PCSK5: variants seen among roughly 807,000 people sequenced by gnomAD.
PCSK5 encodes prohormone convertase 5.
PCSK5 carries 129 observed loss-of-function variants against 233.2 expected under a neutral mutation model. The ratio of observed to expected loss-of-function variants is 0.55; its 90% CI spans 0.48 to 0.64. The LOEUF is 0.64. Ranked by LOEUF, PCSK5 falls within the 30% of genes least tolerant of loss-of-function variation. The pLI is 0.00. For synonymous variants in PCSK5, 825 were observed against 879.2 expected (o/e 0.94, Z 1.09); for missense variants, 2,076 against 2,430.1 (o/e 0.85, Z 3.06).
intron 35 of PCSK5, among the ~76,000 whole-genome samples, chr9:76,342,047 A>G (rs1829850859): frequency 6.6e-6 from 1 of 152,096 alleles, no homozygotes; most frequent in Admixed American, 6.5e-5. Flanking sequence ...GAACCTGACT[A>G]CCATTTTGCA....
intron 20 of PCSK5, among the ~76,000 whole-genome samples, chr9:76,227,300 A>C (rs1825925234): frequency 6.6e-6 from 1 of 152,124 alleles, no homozygotes; most frequent in Non-Finnish European, 1.5e-5. Context: ...TGAGGTTCCA[A>C]CTTCTGGAGC....
intron 24 of PCSK5, among the ~76,000 whole-genome samples, chr9:76,244,288 G>A (rs1421530338): frequency 1.3e-5 from 2 of 152,108 alleles, no homozygotes; most frequent in Non-Finnish European, 2.9e-5. Context: ...CTATAAGGAA[G>A]CTTTGATCAG....
At chr9:76,057,747 C>T (rs1829872217) in intron 5 of PCSK5, among the ~76,000 whole-genome samples, 1 of 151,502 alleles carries the variant, frequency 6.6e-6, no homozygotes, top group Non-Finnish European at 1.5e-5. Flanking sequence ...TTAGCTCTTC[C>T]ATATTTTAAT....
At chr9:76,119,505 A>G (rs1056676561) in intron 9 of PCSK5, among the ~76,000 whole-genome samples, 1 of 152,138 alleles carries the variant, frequency 6.6e-6, no homozygotes, top group African/African-American at 2.4e-5. Context: ...ACATGTGGCA[A>G]GGAATTTCCT....
At chr9:75,994,884 T>G (rs1826944658) in intron 3 of PCSK5, among the ~76,000 whole-genome samples, 1 of 152,228 alleles carries the variant, frequency 6.6e-6, no homozygotes, top group Non-Finnish European at 1.5e-5. Flanking sequence ...GTTTTAAGAA[T>G]AAAAACCCAA....
chr9:75,907,841 A>G lies in PCSK5; in HGVS notation c.192+16468A>G, dbSNP rs140102706. On this transcript the variant is annotated intron_variant, in intron 1 of 37. Transcript: ENST00000674117. ...CAAATTTCACTGTTTATGTAGAAGC[A>G]ATGGAAGTAGCAAAAACAGTCAGGT... 4.1e-3 allele frequency among the ~76,000 whole-genome samples: 618 copies of G among 152,334 alleles called. 1 individual carries two copies. The highest frequency in any genetic ancestry group is 5.8e-3 in the Non-Finnish European group (395 of 68,038).
Position 76,295,339 on chromosome 9 carries a change from G to A in PCSK5, c.3250G>A (p.Ala1084Thr), listed in dbSNP as rs1239788442. Residue 1084 changes from alanine (A) to threonine (T), a missense_variant, in exon 26 of 38, where the codon GCG (alanine) becomes ACG (threonine). Ala to Thr is a moderately conservative substitution (Grantham distance 58). Coordinates refer to ENST00000674117, the MANE Select transcript of PCSK5 (RefSeq NM_001372043.1). ...KTYSEEVECKACDSNCGSCDQ... is the reference protein window; with the variant it reads ...KTYSEEVECKTCDSNCGSCDQ... ...CTACAGTGAGGAAGTGGAATGCAAG[G>A]CGTGTGATAGTAACTGTGGCAGCTG... 1.9e-6 allele frequency: 3 copies of A among 1,611,656 alleles called. No individual in the cohort carries two copies. The highest frequency in any genetic ancestry group is 2.5e-6 in the Non-Finnish European group (3 of 1,178,970).
In PCSK5 at chr9:76,296,796, G is replaced by A. The variant is rs780360786; in HGVS notation, c.3454G>A (p.Gly1152Arg). 3 of 1,611,684 alleles carry A rather than the reference G, an allele frequency of 1.9e-6. No homozygotes were observed. Among genetic ancestry groups the A allele is most frequent in the Non-Finnish European group, 2.5e-6 (3 of 1,178,890 alleles). The change falls in exon 27 of 38, where the codon GGA becomes AGA. Residue 1152 changes from glycine (G) to arginine (R), a missense_variant. By Grantham distance (125) the Gly-to-Arg change is moderately radical. This residue lies in a region of PCSK5 where 1,510 missense variants were observed against 1,538.1 expected (regional missense o/e 0.98). Transcript: ENST00000674117. The part of the protein sequence containing the change: ...GHDECSSCQE[G>R]LQLLRGMCVH... ...TGACGAGTGCAGCAGCTGCCAGGAA[G>A]GACTGCAGCTGCTGCGTGGGATGTG...
intron 2 of PCSK5, among the ~76,000 whole-genome samples, chr9:75,957,035 C>A (rs1587417542): frequency 6.6e-6 from 1 of 152,104 alleles, no homozygotes; most frequent in Non-Finnish European, 1.5e-5. Flanking sequence ...CATAGAAGAG[C>A]CTTACCAAGT....
chr9:76,243,555 C>T (rs1587797261), intron 24 of PCSK5, among the ~76,000 whole-genome samples: 1 of 120,686 alleles, frequency 8.3e-6, no homozygotes, highest in African/African-American at 2.9e-5. Flanking sequence ...CCAATTGTCA[C>T]CTTATTTCTG....
At chr9:76,147,313 A>G (rs1823479387) in intron 10 of PCSK5, among the ~76,000 whole-genome samples, 2 of 152,220 alleles carry the variant, frequency 1.3e-5, no homozygotes. Context: ...ATAACCATAT[A>G]AAAAGATACT....
chr9:76,055,869 T>C (rs1463575586), intron 5 of PCSK5, among the ~76,000 whole-genome samples: 1 of 152,186 alleles, frequency 6.6e-6, no homozygotes, highest in East Asian at 1.9e-4. Context: ...GAGGCAAAAG[T>C]ACTTTGAGCA....
In PCSK5 at chr9:76,361,919, G is replaced by A. The variant is rs1830437267; in HGVS notation, c.*2997G>A. On this transcript the variant is annotated 3_prime_UTR_variant, in exon 38 of 38. Transcript: ENST00000674117. ...GTTAATTCTAAAGCTCTGATAGACTGAGTTTGACATTTCTTTCTGTAAACT... is the reference window on the plus strand; with the variant it reads ...GTTAATTCTAAAGCTCTGATAGACTAAGTTTGACATTTCTTTCTGTAAACT... The A allele has an allele frequency of 6.6e-6, 1 of 152,104 alleles. No homozygotes were observed. The highest frequency in any genetic ancestry group is 1.5e-5 in the Non-Finnish European group (1 of 68,014). The allele number at this position is 152,104 out of a possible 1,614,324, so 9.4% of individuals were successfully genotyped here.
intron 14 of PCSK5, among the ~76,000 whole-genome samples, chr9:76,176,453 A>G (rs1011354778): frequency 3.8e-4 from 58 of 152,292 alleles, no homozygotes; most frequent in African/African-American, 1.3e-3. Flanking sequence ...TCCCATTTCC[A>G]TAGCAATTAT....
intron 20 of PCSK5, chr9:76,195,218 AT>A (rs1824632181): frequency 6.6e-6 from 1 of 152,564 alleles, no homozygotes; most frequent in Non-Finnish European, 1.5e-5. Context: ...ACAGTTTTAC[AT>A]TTAAACGCAC....
Position 76,307,662 on chromosome 9 carries a change from C to T in PCSK5, c.3605-983C>T, listed in dbSNP as rs192399837. Among the ~76,000 whole-genome samples the T allele has an allele frequency of 6.6e-5, 10 of 151,892 alleles. No homozygotes were observed. In the East Asian group the frequency reaches 1.7e-3, roughly 27 times the overall value. On this transcript the variant is annotated intron_variant, in intron 28 of 37. Coordinates refer to ENST00000674117, the MANE Select transcript of PCSK5 (RefSeq NM_001372043.1). ...AACCTGGGACAACCTACTTATAGCC[C>T]GACCAACAAGAAAGCCTGTGAGTAG...
intron 2 of PCSK5, among the ~76,000 whole-genome samples, chr9:75,956,709 G>T (rs1825109793): frequency 6.6e-6 from 1 of 151,794 alleles, no homozygotes; most frequent in African/African-American, 2.4e-5. Flanking sequence ...CATTAATTAG[G>T]AAGAGGAAAT....
At chr9:76,115,164 C>T (rs1832374679) in intron 9 of PCSK5, among the ~76,000 whole-genome samples, 1 of 152,012 alleles carries the variant, frequency 6.6e-6, no homozygotes. Flanking sequence ...TTAGAAGCTG[C>T]ATAAAAATCC....
chr9:76,055,006 T>C (rs1829770532), intron 5 of PCSK5, among the ~76,000 whole-genome samples: 1 of 152,238 alleles, frequency 6.6e-6, no homozygotes, highest in Admixed American at 6.5e-5. Context: ...TTTTTTTTCT[T>C]GCCTACAGCG....
Sources: gnomAD v4.1 joint callset for allele counts (sites outside exome capture counted in the v4.1 genomes callset) on GRCh38, gnomAD v4.1.1 for gene constraint, gnomAD v4.1.1 regional missense constraint, MANE v1.5 for transcripts, NCBI Gene and HGNC (gene_info 2026-07-23, HGNC 2026-07-21) for gene names.